Variants in CDK14 observed in about 807,000 individuals in gnomAD.
CDK14 encodes the protein cyclin-dependent kinase 14.
CDK14 carries 34 observed loss-of-function variants against 60.7 expected under a neutral mutation model. The ratio of observed to expected loss-of-function variants is 0.56; its 90% CI spans 0.43 to 0.75. The LOEUF is 0.75. Ranked by LOEUF, CDK14 falls within the 30% of genes least tolerant of loss-of-function variation. CDK14 has a pLI of 0.00. For synonymous variants in CDK14, 197 were observed against 203.7 expected (o/e 0.97, Z 0.28); for missense variants, 482 against 564.1 (o/e 0.85, Z 1.47).
At chr7:90,640,710 A>G (rs552740786) in intron 2 of CDK14, among the ~76,000 whole-genome samples, 1 of 152,132 alleles carries the variant, frequency 6.6e-6, no homozygotes, top group Non-Finnish European at 1.5e-5. Flanking sequence ...AGATCATCAG[A>G]GTGTTCTAAA....
chr7:91,046,227 A>G (rs1054690684), intron 11 of CDK14, among the ~76,000 whole-genome samples: 6 of 152,208 alleles, frequency 3.9e-5, no homozygotes, highest in African/African-American at 1.4e-4. Context: ...TTTCATCATC[A>G]GTTAGACTAG....
chr7:90,895,474 T>C (rs867546619), intron 6 of CDK14, among the ~76,000 whole-genome samples: 5 of 3,934 alleles, frequency 1.3e-3, no homozygotes, highest in South Asian at 0.025. Flanking sequence ...CCCTCTCCTC[T>C]CCTCACCTCT....
intron 11 of CDK14, among the ~76,000 whole-genome samples, 171 bp from the exon 12 acceptor site, chr7:91,079,261 A>T (rs759251976): frequency 6.6e-6 from 1 of 152,190 alleles, no homozygotes; most frequent in African/African-American, 2.4e-5. Flanking sequence ...ATATGTTGTT[A>T]TCTTCCTGTT....
intron 11 of CDK14, among the ~76,000 whole-genome samples, chr7:91,062,195 G>A (rs778574955): frequency 6.6e-6 from 1 of 152,154 alleles, no homozygotes; most frequent in African/African-American, 2.4e-5. Context: ...AGGACCCTCC[G>A]AGCCAGGTGT....
Position 90,630,973 on chromosome 7 carries a change from A to G in CDK14, c.123+26724A>G, listed in dbSNP as rs895617089. ...AGTTAATCTCTTTTATTTTCTTTTT[A>G]TATTACATTTTGGACTTTATGTTGT... is the stretch of plus-strand genomic sequence containing the variant. On this transcript the variant is annotated intron_variant, in intron 2 of 14. Coordinates refer to ENST00000380050, the MANE Select transcript of CDK14 (RefSeq NM_001287135.2). Among the ~76,000 whole-genome samples the G allele has an allele frequency of 2.0e-5, 3 of 151,406 alleles. No individual in the cohort carries two copies. The Admixed American group carries it at 2.0e-4, about 10-fold the overall frequency.
intron 5 of CDK14, among the ~76,000 whole-genome samples, chr7:90,850,381 G>A (rs1425123003): frequency 6.6e-6 from 1 of 152,162 alleles, no homozygotes; most frequent in Non-Finnish European, 1.5e-5. Flanking sequence ...AGTGCTATGG[G>A]CACAGCAGGA....
chr7:91,069,841 G>C (rs1044859054), intron 11 of CDK14, among the ~76,000 whole-genome samples: 3 of 152,094 alleles, frequency 2.0e-5, no homozygotes, highest in African/African-American at 4.8e-5. Context: ...CTGTCACTCA[G>C]GCTGGAGTAC....
chr7:91,042,408 C>T (rs1207981865), intron 10 of CDK14, among the ~76,000 whole-genome samples: 1 of 152,100 alleles, frequency 6.6e-6, no homozygotes, highest in Non-Finnish European at 1.5e-5. Flanking sequence ...CCTCACTCTC[C>T]CATACCATCA....
At chr7:90,820,077 G>C (rs1220008583) in intron 5 of CDK14, among the ~76,000 whole-genome samples, 1 of 151,862 alleles carries the variant, frequency 6.6e-6, no homozygotes, top group Non-Finnish European at 1.5e-5. Context: ...AAGTTCCAAG[G>C]GTTGCCAGAT....
chr7:91,008,148 A>AC lies in CDK14; in HGVS notation c.1041+23907_1041+23908insC, dbSNP rs1170587492. ...AGGCCAAAAAAAAAAAAAAAAAACA[A>AC]ACAAAAAAAAACAGTGGATGGTGGA... On this transcript the variant is annotated intron_variant, in intron 10 of 14. Coordinates refer to ENST00000380050, the MANE Select transcript of CDK14 (RefSeq NM_001287135.2). 4.5e-3 allele frequency among the ~76,000 whole-genome samples: 483 copies of AC among 106,616 alleles called. 20 individuals are homozygous for AC. Among genetic ancestry groups the AC allele is most frequent in the African/African-American group, 0.017 (454 of 27,026 alleles). The allele number at this position is 106,616 out of a possible 152,430, so 69.9% of individuals were successfully genotyped here. A position where few individuals can be genotyped will look rare whatever the true frequency, so the allele number is the denominator to read the frequency against.
chr7:90,745,265 T>C (rs1803543814), intron 3 of CDK14, among the ~76,000 whole-genome samples: 1 of 152,182 alleles, frequency 6.6e-6, no homozygotes, highest in African/African-American at 2.4e-5. Flanking sequence ...GATTTTTTTC[T>C]GTGGGTAATA....
chr7:90,899,277 C>A lies in CDK14; in HGVS notation c.640-14C>A. 6.3e-7 allele frequency: 1 copy of A among 1,588,802 alleles called. No homozygotes were observed. Among genetic ancestry groups the A allele is most frequent in the East Asian group, 2.3e-5 (1 of 43,574 alleles). ...CCAGAGGGTTATTAATACATTTTTC[C>A]TTTTCTTTTCTAGCACACTGATTTA... On this transcript the variant is annotated splice_polypyrimidine_tract_variant and intron_variant, in intron 6 of 14. Coordinates refer to ENST00000380050, the MANE Select transcript of CDK14 (RefSeq NM_001287135.2).
At position 90,740,268 on chromosome 7, in the gene CDK14, T is replaced by TAGAG. The variant is rs72006322; in HGVS notation, c.370-7412_370-7411insGAGA. Among the ~76,000 whole-genome samples, 304 of 143,120 alleles carry TAGAG rather than the reference T, an allele frequency of 2.1e-3. 3 individuals are homozygous for TAGAG. The highest frequency in any genetic ancestry group is 0.011 in the South Asian group (50 of 4,490). The allele number at this position is 143,120 out of a possible 152,430, so 93.9% of individuals were successfully genotyped here. A position where few individuals can be genotyped will look rare whatever the true frequency, so the allele number is the denominator to read the frequency against. On this transcript the variant is annotated intron_variant, in intron 3 of 14. Coordinates refer to ENST00000380050, the MANE Select transcript of CDK14 (RefSeq NM_001287135.2). Reference sequence around the variant, plus strand: ...ATGTGTGTGTGTATATATATATATATATAGAGAGAGAGAGAGAGAGAGAAA... The same window carrying TAGAG: ...ATGTGTGTGTGTATATATATATATATAGAGATAGAGAGAGAGAGAGAGAGAGAAA...
chr7:91,041,901 C>G (rs991810441), intron 10 of CDK14, among the ~76,000 whole-genome samples: 2 of 152,138 alleles, frequency 1.3e-5, no homozygotes, highest in Admixed American at 1.3e-4. Context: ...TATCTGGTGC[C>G]GGGCACATGG....
chr7:90,905,311 G>T (rs767415685), intron 7 of CDK14, among the ~76,000 whole-genome samples: 39 of 152,140 alleles, frequency 2.6e-4, no homozygotes, highest in Non-Finnish European at 4.4e-4. Flanking sequence ...GATGGGAAAA[G>T]AATTTGGTGT....
intron 14 of CDK14, among the ~76,000 whole-genome samples, chr7:91,183,269 T>A (rs1416567261): frequency 6.6e-6 from 1 of 152,212 alleles, no homozygotes; most frequent in Admixed American, 6.5e-5. Context: ...AGACATACTT[T>A]ACTACACAGT....
chr7:90,959,422 A>G (rs1306822682), intron 9 of CDK14, among the ~76,000 whole-genome samples: 1 of 152,192 alleles, frequency 6.6e-6, no homozygotes, highest in Non-Finnish European at 1.5e-5. Context: ...GTTCACAGGC[A>G]CTGATTTTTG....
chr7:90,603,608 C>G (rs1156745515), intron 1 of CDK14, among the ~76,000 whole-genome samples: 1 of 152,184 alleles, frequency 6.6e-6, no homozygotes, highest in Admixed American at 6.5e-5. Context: ...TGACACATGT[C>G]TGGATTTAAA....
chr7:90,782,851 G>C (rs1283774032), intron 4 of CDK14, among the ~76,000 whole-genome samples: 1 of 152,098 alleles, frequency 6.6e-6, no homozygotes, highest in Non-Finnish European at 1.5e-5. Context: ...TTTTTATAGA[G>C]GAGTTGGGGT....
Sources: gnomAD v4.1 joint callset for allele counts (sites outside exome capture counted in the v4.1 genomes callset) on GRCh38, gnomAD v4.1.1 for gene constraint, MANE v1.5 for transcripts, NCBI Gene and HGNC (gene_info 2026-07-23, HGNC 2026-07-21) for gene names.